The following HBS1L variants were observed in gnomAD, a reference collection of about 807,000 sequenced individuals.
The protein encoded by HBS1L is HBS1 like translational GTPase, also known as HBS1-like protein.
In HBS1L, 55 loss-of-function variants were observed where a neutral mutation model predicts 88.9. The ratio of observed to expected loss-of-function variants is 0.62; its 90% CI spans 0.50 to 0.77. HBS1L has a LOEUF of 0.77. Ranked by LOEUF, HBS1L falls within the 30% of genes least tolerant of loss-of-function variation. The pLI, the probability that HBS1L is intolerant of heterozygous loss-of-function variation, is 0.00. For synonymous variants in HBS1L, 267 were observed against 288.5 expected (o/e 0.93, Z 0.76); for missense variants, 741 against 829.3 (o/e 0.89, Z 1.31).
At chr6:134,994,444 A>T (rs1775235427) in intron 7 of HBS1L, among the ~76,000 whole-genome samples, 2 of 152,186 alleles carry the variant, frequency 1.3e-5, no homozygotes, top group Admixed American at 6.6e-5. Flanking sequence ...GGAGACCAAC[A>T]TAGTGCCTTT....
intron 3 of HBS1L, among the ~76,000 whole-genome samples, chr6:135,040,344 C>CTTT (rs71006751): frequency 8.9e-4 from 98 of 110,032 alleles, no homozygotes; most frequent in East Asian, 1.2e-3. Context: ...GATAGGCATT[C>CTTT]TTTTTTTTTT....
intron 3 of HBS1L, among the ~76,000 whole-genome samples, chr6:135,040,141 T>C (rs1046534005): frequency 3.9e-5 from 6 of 152,170 alleles, no homozygotes; most frequent in African/African-American, 1.4e-4. Flanking sequence ...CTATTTCTAA[T>C]TTGTTAGTGA....
chr6:135,039,854 G>A (rs1211091928), intron 3 of HBS1L, 87 bp from the exon 4 acceptor site: 1 of 1,153,848 alleles, frequency 8.7e-7, no homozygotes, highest in Non-Finnish European at 1.2e-6. Flanking sequence ...AAAATTTACA[G>A]CTGTACTAGA....
chr6:134,984,170 T>C (rs1188364301), intron 12 of HBS1L, among the ~76,000 whole-genome samples: 1 of 152,160 alleles, frequency 6.6e-6, no homozygotes. Context: ...GTATTCTTGA[T>C]AAACAATGGG....
At chr6:135,029,799 TAAGA>T (rs1776334953) in intron 4 of HBS1L, among the ~76,000 whole-genome samples, 1 of 152,186 alleles carries the variant, frequency 6.6e-6, no homozygotes, top group Admixed American at 6.5e-5. Context: ...AGGTAGCTGT[TAAGA>T]AAGAATGACA....
At chr6:134,968,768 C>A (rs63047960) in intron 16 of HBS1L, among the ~76,000 whole-genome samples, 1,348 of 69,170 alleles carry the variant, frequency 0.019, 16 homozygotes, top group Non-Finnish European at 0.028. Flanking sequence ...AAAAAAAAAA[C>A]AAACTTTCCA....
In HBS1L at chr6:135,002,735, C is replaced by T. The variant is rs34860737; in HGVS notation, c.538G>A (p.Gly180Arg). 6.6e-5 allele frequency: 105 copies of T among 1,600,348 alleles called. No homozygotes were observed. The African/African-American group carries it at 1.3e-3, about 20-fold the overall frequency. ...KKQTMGFEVPGVSSEENGHSF... is the reference protein window; with the variant it reads ...KKQTMGFEVPRVSSEENGHSF... Reference sequence around the variant, plus strand: ...TGAGGGAGGTACTCAAAGTCTTACCCAGGCACTTCAAATCCCATAGTTTGC... The same window carrying T: ...TGAGGGAGGTACTCAAAGTCTTACCTAGGCACTTCAAATCCCATAGTTTGC... Residue 180 changes from glycine to arginine, a missense_variant and splice_region_variant, in exon 5 of 18, where the codon GGA becomes AGA. Transcript: ENST00000367837.
chr6:135,053,420 T>C (rs1777148655), intron 1 of HBS1L, among the ~76,000 whole-genome samples: 1 of 152,192 alleles, frequency 6.6e-6, no homozygotes, highest in Non-Finnish European at 1.5e-5. Context: ...TAAACAACTA[T>C]TAAAGAAATG....
At chr6:135,023,313 G>A (rs569424566) in intron 4 of HBS1L, among the ~76,000 whole-genome samples, 3 of 152,098 alleles carry the variant, frequency 2.0e-5, no homozygotes, top group South Asian at 2.1e-4. Flanking sequence ...GCGTGATGGC[G>A]GGCGCCTGTA....
Position 134,980,738 on chromosome 6 carries a change from C to T in HBS1L, c.1598-1470G>A, listed in dbSNP as rs533859209. 5.3e-4 allele frequency among the ~76,000 whole-genome samples: 79 copies of T among 147,896 alleles called. 3 individuals carry two copies. In the South Asian group the frequency reaches 0.017, roughly 32 times the overall value. On this transcript the variant is annotated intron_variant, in intron 13 of 17. Transcript: ENST00000367837. The stretch of plus-strand genomic sequence containing the variant: ...AGGCTCTTTTTTAATACTCTATGAG[C>T]TTGATATGTTAATAAAGTAAAAAAA...
intron 2 of HBS1L, among the ~76,000 whole-genome samples, chr6:135,045,560 G>A (rs376170961): frequency 6.6e-6 from 1 of 152,220 alleles, no homozygotes; most frequent in Non-Finnish European, 1.5e-5. Flanking sequence ...TTCTGGCCAG[G>A]CACAGTGGCT....
At chr6:135,033,584 T>C (rs973284751) in intron 4 of HBS1L, among the ~76,000 whole-genome samples, 26 of 152,276 alleles carry the variant, frequency 1.7e-4, no homozygotes, top group African/African-American at 6.0e-4. Flanking sequence ...TGCCTTCTCT[T>C]ACCACCCTAT....
chr6:134,994,457 T>A (rs1775236089), intron 7 of HBS1L, among the ~76,000 whole-genome samples: 1 of 152,144 alleles, frequency 6.6e-6, no homozygotes, highest in Admixed American at 6.5e-5. Flanking sequence ...GTGCCTTTTT[T>A]CAGCCACAAA....
chr6:134,985,378 G>A lies in HBS1L; in HGVS notation c.1455C>T (p.Asp485=). The change falls in exon 12 of 18, where the codon GAC becomes GAT. Residue 485 remains aspartate, a synonymous_variant. Transcript: ENST00000367837. The part of the protein sequence containing the change: ...DSFKPPQRSI[D]KPFRLCVSDV... ...CGGACACACATAATCTAAAAGGTTTGTCAATAGATCGCTGGGGAGGCTTAA... is the reference window on the plus strand; with the variant it reads ...CGGACACACATAATCTAAAAGGTTTATCAATAGATCGCTGGGGAGGCTTAA... 6.2e-7 allele frequency: 1 copy of A among 1,606,388 alleles called. No individual in the cohort carries two copies. Among genetic ancestry groups the A allele is most frequent in the Non-Finnish European group, 8.5e-7 (1 of 1,176,610 alleles).
intron 4 of HBS1L, among the ~76,000 whole-genome samples, chr6:135,026,100 C>CA (rs1554229661): frequency 6.6e-6 from 1 of 152,132 alleles, no homozygotes; most frequent in Non-Finnish European, 1.5e-5. Flanking sequence ...ATATAGGCCA[C>CA]AAAATCACTT....
intron 3 of HBS1L, among the ~76,000 whole-genome samples, chr6:135,040,344 C>CCTTTTTT (rs1365916364): frequency 0.01 from 1,110 of 109,942 alleles, 34 homozygotes; most frequent in South Asian, 0.022. Context: ...GATAGGCATT[C>CCTTTTTT]TTTTTTTTTT....
rs1176915617 is a variant in HBS1L at position 134,986,830 on chromosome 6, T to TTA, written c.1231-21_1231-20insTA. Reference sequence around the variant, plus strand: ...ATTAACCTGATAAAGATCCAATTTATTTTTAAAACTATCCTTCAGAACATG... The same window carrying TTA: ...ATTAACCTGATAAAGATCCAATTTATTATTTTAAAACTATCCTTCAGAACATG... On this transcript the variant is annotated intron_variant, in intron 9 of 17. Coordinates refer to ENST00000367837, the MANE Select transcript of HBS1L (RefSeq NM_006620.4). 7.5e-7 allele frequency: 1 copy of TTA among 1,338,930 alleles called. No homozygotes were observed. The highest frequency in any genetic ancestry group is 1.0e-6 in the Non-Finnish European group (1 of 969,148). 82.9% of individuals were successfully genotyped at this position (1,338,930 alleles called of 1,614,324 possible).
intron 4 of HBS1L, chr6:135,037,838 G>T (rs764139381): frequency 1.9e-6 from 3 of 1,544,582 alleles, no homozygotes; most frequent in Non-Finnish European, 2.6e-6. Flanking sequence ...TCACTTTTAC[G>T]TGTGTCAAGT....
At chr6:135,050,463 T>C (rs370016569) in intron 2 of HBS1L, 119 bp downstream of exon 2, 2 of 587,164 alleles carry the variant, frequency 3.4e-6, no homozygotes, top group Non-Finnish European at 6.0e-6. Flanking sequence ...AATTAACATA[T>C]AATTAACTTT....
Sources: allele counts gnomAD v4.1 joint callset (sites outside exome capture counted in the v4.1 genomes callset), GRCh38; gene constraint gnomAD v4.1.1; transcripts MANE v1.5; gene names NCBI Gene and HGNC (gene_info 2026-07-23, HGNC 2026-07-21).